The following PLCH1 variants were observed in gnomAD, a reference collection of about 807,000 sequenced individuals.
The protein encoded by PLCH1 is phospholipase C eta 1.
PLCH1 carries 60 observed loss-of-function variants against 126.7 expected under a neutral mutation model. The ratio of observed to expected loss-of-function variants is 0.47; its 90% CI spans 0.38 to 0.59. PLCH1 has a LOEUF of 0.59. Among genes scored for constraint, PLCH1 ranks in the 20% least tolerant of loss-of-function variants. The probability of loss-of-function intolerance (pLI) is 0.00; values close to 1 mark genes in which losing one functional copy is unlikely to be tolerated. For synonymous variants in PLCH1, 719 were observed against 734.9 expected, an observed-to-expected ratio of 0.98 and a Z score of 0.35; for missense variants, 1,723 against 2,040.0, an observed-to-expected ratio of 0.84 and a Z score of 2.99.
intron 2 of PLCH1, among the ~76,000 whole-genome samples, chr3:155,691,357 C>A (rs1437798609): frequency 2.6e-5 from 4 of 152,180 alleles, no homozygotes; most frequent in Non-Finnish European, 5.9e-5. Flanking sequence ...TAGAGTCCAC[C>A]AATTCCTCCC....
intron 2 of PLCH1, among the ~76,000 whole-genome samples, chr3:155,620,467 G>A (rs1736327496): frequency 6.6e-6 from 1 of 152,206 alleles, no homozygotes; most frequent in African/African-American, 2.4e-5. Flanking sequence ...AGGAAAAAAT[G>A]TCATGGAGAA....
intron 2 of PLCH1, among the ~76,000 whole-genome samples, chr3:155,691,964 G>C (rs1745418040): frequency 6.6e-6 from 1 of 151,946 alleles, no homozygotes; most frequent in Non-Finnish European, 1.5e-5. Flanking sequence ...CCAGGAGGTG[G>C]AGGTTGCAGT....
intron 12 of PLCH1, among the ~76,000 whole-genome samples, chr3:155,511,328 A>G (rs2108213121): frequency 7.5e-6 from 1 of 133,408 alleles, no homozygotes; most frequent in South Asian, 2.4e-4. Flanking sequence ...GAGTAATTTG[A>G]TCGTCTGAAG....
chr3:155,690,717 TC>T (rs1745315423), intron 2 of PLCH1, among the ~76,000 whole-genome samples: 2 of 152,260 alleles, frequency 1.3e-5, no homozygotes, highest in Admixed American at 6.5e-5. Context: ...GAAAAACAGT[TC>T]TCTTCTCCCT....
intron 1 of PLCH1, among the ~76,000 whole-genome samples, chr3:155,736,109 T>C (rs1034676325): frequency 6.6e-6 from 1 of 152,242 alleles, no homozygotes; most frequent in Admixed American, 6.5e-5. Context: ...TGAGGACTTT[T>C]CAACAATATG....
intron 21 of PLCH1, among the ~76,000 whole-genome samples, chr3:155,462,868 A>G (rs73874806): frequency 0.056 from 8,529 of 152,274 alleles, 429 homozygotes; most frequent in African/African-American, 0.14. Flanking sequence ...CTGGCTCCCC[A>G]GTGGATGCCT....
chr3:155,742,607 T>C (rs910978692), intron 1 of PLCH1: 4 of 152,192 alleles, frequency 2.6e-5, no homozygotes, highest in Admixed American at 1.3e-4. Context: ...AATTAGGGAA[T>C]TGGAGCCAGT....
chr3:155,616,131 C>T (rs9865998), intron 2 of PLCH1, among the ~76,000 whole-genome samples: 73,838 of 151,926 alleles, frequency 0.49, 20,331 homozygotes, highest in African/African-American at 0.74. Flanking sequence ...TGTGGTTCTG[C>T]CCTGTATCCT....
At position 155,551,052 on chromosome 3, in the gene PLCH1, A is replaced by T. The variant is rs191814372; in HGVS notation, c.1191-1094T>A. On this transcript the variant is annotated intron_variant, in intron 9 of 22. Coordinates refer to ENST00000460012, the MANE Select transcript of PLCH1 (RefSeq NM_014996.4). Reference sequence around the variant, plus strand: ...TTTACCCTAAAGTGCTAGAAGAGGGAAAAGCAACAGCAACAACAAACTGAC... The same window carrying T: ...TTTACCCTAAAGTGCTAGAAGAGGGTAAAGCAACAGCAACAACAAACTGAC... Among the ~76,000 whole-genome samples the T allele has an allele frequency of 2.0e-3, 300 of 152,330 alleles. 1 individual carries two copies. The highest frequency in any genetic ancestry group is 3.2e-3 in the Non-Finnish European group (216 of 68,022).
chr3:155,502,782 G>C (rs1718098542), intron 13 of PLCH1, among the ~76,000 whole-genome samples: 1 of 152,126 alleles, frequency 6.6e-6, no homozygotes. Flanking sequence ...TTTAATGGCT[G>C]CATCATTGTC....
rs1191058030 is a variant in PLCH1 at position 155,500,776 on chromosome 3, A to T, written c.1723T>A (p.Ser575Thr). Residue 575 changes from serine to threonine, a missense_variant, in exon 14 of 23, where the codon TCT becomes ACT. By Grantham distance (58) the Ser-to-Thr change is moderately conservative. This residue lies in a region of PLCH1 where 776 missense variants were observed against 1,062.9 expected (regional missense o/e 0.73). Transcript: ENST00000460012. ...TCATCATCAGTACTGTAAGATTTAG[A>T]CCGTGATTTTGTAGTTTTCTGCCAG... ...GKHKKTTKSR[S>T]KSYSTDDEED... 1 of 1,612,578 alleles carries T rather than the reference A, an allele frequency of 6.2e-7. No homozygotes were observed. Among genetic ancestry groups the T allele is most frequent in the Non-Finnish European group, 8.5e-7 (1 of 1,178,750 alleles).
rs1220401179 is a variant in PLCH1, at chr3:155,514,744, G to T, written c.1611C>A (p.Gly537=). 6.3e-7 allele frequency: 1 copy of T among 1,594,488 alleles called. No homozygotes were observed. The highest frequency in any genetic ancestry group is 8.6e-7 in the Non-Finnish European group (1 of 1,168,360). ...ATACCTGCTTCAGGTGTGCATTTAA[G>T]CCTTCATGCGTGGCCTTCAGTAGTG... The part of the protein sequence containing the change: ...VRALLKATHE[G]LNAHLKQSPD... Residue 537 remains glycine, a synonymous_variant, in exon 12 of 23, where the codon GGC becomes GGA. Coordinates refer to ENST00000460012, the MANE Select transcript of PLCH1 (RefSeq NM_014996.4).
At chr3:155,567,210 T>C (rs577251122) in intron 7 of PLCH1, among the ~76,000 whole-genome samples, 3 of 151,998 alleles carry the variant, frequency 2.0e-5, no homozygotes, top group Non-Finnish European at 2.9e-5. Context: ...GTAGCTGGGA[T>C]TACAGGCATG....
intron 1 of PLCH1, among the ~76,000 whole-genome samples, chr3:155,722,823 A>C (rs757690555): frequency 2.6e-5 from 4 of 152,218 alleles, no homozygotes; most frequent in Non-Finnish European, 1.5e-5. Context: ...TATTAGGGTG[A>C]TAATGGCTTC....
intron 4 of PLCH1, among the ~76,000 whole-genome samples, chr3:155,589,486 C>T (rs1389143369): frequency 2.0e-5 from 3 of 152,012 alleles, no homozygotes; most frequent in South Asian, 4.1e-4. Context: ...CAGGAGTCCA[C>T]GCAAAAATCC....
intron 2 of PLCH1, among the ~76,000 whole-genome samples, chr3:155,682,859 G>A (rs1744645490): frequency 1.3e-5 from 2 of 152,144 alleles, no homozygotes; most frequent in East Asian, 3.8e-4. Context: ...AAGAGATGAA[G>A]ACCTGTAGGG....
At chr3:155,671,415 G>A (rs760832276) in intron 2 of PLCH1, among the ~76,000 whole-genome samples, 8 of 152,214 alleles carry the variant, frequency 5.3e-5, no homozygotes, top group East Asian at 1.9e-4. Flanking sequence ...TAACTTAGGC[G>A]GTTACTTTGA....
At chr3:155,497,496 T>C (rs959911483) in intron 14 of PLCH1, 79 bp from the exon 15 acceptor site, 1 of 986,222 alleles carries the variant, frequency 1.0e-6, no homozygotes, top group African/African-American at 1.6e-5. Context: ...ACTTTCCTTA[T>C]TTAAGACAAT....
At chr3:155,606,128 A>G (rs1344621396) in intron 2 of PLCH1, among the ~76,000 whole-genome samples, 3 of 152,230 alleles carry the variant, frequency 2.0e-5, no homozygotes, top group African/African-American at 7.2e-5. Flanking sequence ...CGTATATTCA[A>G]AAGGGCTTTA....
Sources: gnomAD v4.1 joint callset for allele counts (sites outside exome capture counted in the v4.1 genomes callset) on GRCh38, gnomAD v4.1.1 for gene constraint, gnomAD v4.1.1 regional missense constraint, MANE v1.5 for transcripts, NCBI Gene and HGNC (gene_info 2026-07-23, HGNC 2026-07-21) for gene names.